KIF21B: variants seen among roughly 807,000 people sequenced by gnomAD.
The protein encoded by KIF21B is kinesin family member 21B.
In KIF21B, 85 loss-of-function variants were observed where a neutral mutation model predicts 192.9. The ratio of observed to expected loss-of-function variants is 0.44; its 90% CI spans 0.37 to 0.53. The LOEUF is 0.53. Ranked by LOEUF, KIF21B falls within the 20% of genes least tolerant of loss-of-function variation. The pLI is 0.00. For synonymous variants in KIF21B, 832 were observed against 884.6 expected (o/e 0.94, Z 1.05); for missense variants, 1,716 against 2,194.8 (o/e 0.78, Z 4.36).
Position 200,979,594 on chromosome 1 carries a change from G to A in KIF21B, c.4101C>T (p.Ser1367=). The A allele has an allele frequency of 6.3e-7, 1 of 1,592,096 alleles. No individual in the cohort carries two copies. Among genetic ancestry groups the A allele is most frequent in the East Asian group, 2.4e-5 (1 of 42,484 alleles). The change falls in exon 30 of 35, where the codon TCC becomes TCT. Residue 1367 remains serine (S), a synonymous_variant. Coordinates refer to ENST00000461742, the MANE Select transcript of KIF21B (RefSeq NM_001252102.2). The part of the protein sequence containing the change: ...CSHSGLVFSV[S]TSYIKVWDIR... ...TGTCCCACACCTTGATGTAGGAGGT[G>A]GACACGGAGAACACAAGCCCCGAGT...
At chr1:200,977,442 T>C in intron 30 of KIF21B, 66 bp from the exon 31 acceptor site, 1 of 1,552,538 alleles carries the variant, frequency 6.4e-7, no homozygotes, top group Non-Finnish European at 8.8e-7. Flanking sequence ...AGGAAACCAA[T>C]AAAACGTCAC....
At chr1:201,002,631 A>C in intron 8 of KIF21B, 5 of 412,466 alleles carry the variant, frequency 1.2e-5, no homozygotes, top group Non-Finnish European at 1.8e-5. Context: ...GTGTATTTTC[A>C]TATCTCCATA....
intron 16 of KIF21B, among the ~76,000 whole-genome samples, chr1:200,991,937 C>T (rs1656727157): frequency 6.6e-6 from 1 of 152,282 alleles, no homozygotes; most frequent in South Asian, 2.1e-4. Flanking sequence ...TTTCCTTAGC[C>T]TCTTCTTCCC....
In KIF21B at chr1:200,991,011, A is replaced by G; in HGVS notation, c.2593T>C (p.Ser865Pro). 6.2e-7 allele frequency: 1 copy of G among 1,614,166 alleles called. No homozygotes were observed. Among genetic ancestry groups the G allele is most frequent in the Non-Finnish European group, 8.5e-7 (1 of 1,180,040 alleles). Reference protein sequence around the residue: ...TSSEAESGARSVSSIVRQWNR... With the variant: ...TSSEAESGARPVSSIVRQWNR... ...CACTGGCGCACGATGCTGGAGACAG[A>G]GCGGGCCCCTGATTCAGCCTCAGAT... The change falls in exon 18 of 35, where the codon TCT becomes CCT. Residue 865 changes from serine (S) to proline (P), a missense_variant. Coordinates refer to ENST00000461742, the MANE Select transcript of KIF21B (RefSeq NM_001252102.2).
chr1:200,977,502 A>G, intron 30 of KIF21B, 126 bp from the exon 31 acceptor site: 1 of 1,176,684 alleles, frequency 8.5e-7, no homozygotes, highest in South Asian at 1.5e-5. Context: ...TCCTTGACTG[A>G]CAGAGAAGAG....
In KIF21B at chr1:200,996,274, C is replaced by G. The variant is rs746913366; in HGVS notation, c.2199G>C (p.Arg733=). The G allele has an allele frequency of 3.7e-6, 6 of 1,614,132 alleles. No homozygotes were observed. Among genetic ancestry groups the G allele is most frequent in the East Asian group, 4.5e-5 (2 of 44,880 alleles). The part of the protein sequence containing the change: ...KLQAAQKEHA[R]LLKNQSRYER... ...CGTAGCGCGACTGGTTCTTAAGCAGCCGGGCGTGCTCTTTCTGGGCGGCCT... is the reference window on the plus strand; with the variant it reads ...CGTAGCGCGACTGGTTCTTAAGCAGGCGGGCGTGCTCTTTCTGGGCGGCCT... The change falls in exon 15 of 35, where the codon CGG becomes CGC. Residue 733 remains arginine (R), a synonymous_variant. Coordinates refer to ENST00000461742, the MANE Select transcript of KIF21B (RefSeq NM_001252102.2).
intron 3 of KIF21B, among the ~76,000 whole-genome samples, chr1:201,007,154 G>A (rs1480989942): frequency 1.7e-3 from 48 of 28,684 alleles, no homozygotes; most frequent in Admixed American, 4.3e-3. Context: ...ACACAGACAC[G>A]GACACAGAGA....
At chr1:201,021,725 T>A (rs1318983956) in intron 1 of KIF21B, among the ~76,000 whole-genome samples, 1 of 152,080 alleles carries the variant, frequency 6.6e-6, no homozygotes. Context: ...TCCAGCAAGA[T>A]GGAATCTAAA....
intron 17 of KIF21B, 125 bp downstream of exon 17, chr1:200,991,532 G>T: frequency 1.0e-6 from 1 of 992,256 alleles, no homozygotes; most frequent in Non-Finnish European, 1.5e-6. Context: ...GGCAGAACTG[G>T]GAAATACCGC....
At chr1:201,003,855 G>T (rs74846840) in intron 7 of KIF21B, 74 bp from the exon 8 acceptor site, 34,863 of 1,472,330 alleles carry the variant, frequency 0.024, 1,593 homozygotes, top group East Asian at 0.22. Context: ...CAGGGTAGAG[G>T]TCCTGCTCCC....
Position 200,999,996 on chromosome 1 carries a change from G to T in KIF21B, c.1686-32C>A, listed in dbSNP as rs114098474. 3 of 1,600,628 alleles carry T rather than the reference G, an allele frequency of 1.9e-6. No individual in the cohort carries two copies. The highest frequency in any genetic ancestry group is 1.7e-5 in the Admixed American group (1 of 60,022). ...AGGGAGGACAGGGAAGCTGGATTAG[G>T]AAGGCTGCCCCTGCCCTGAGCACAT... is the stretch of plus-strand genomic sequence containing the variant. On this transcript the variant is annotated intron_variant, in intron 11 of 34. Transcript: ENST00000461742. This position sits in a 1 kb window ranked among gnomAD's most constrained non-coding sequence, Gnocchi z 4.7.
At chr1:200,989,434 A>G (rs988867200) in intron 21 of KIF21B, among the ~76,000 whole-genome samples, 2 of 152,132 alleles carry the variant, frequency 1.3e-5, no homozygotes, top group Non-Finnish European at 2.9e-5. Context: ...GTCCCCAGAG[A>G]CCACAGGCCC....
chr1:200,983,144 A>G, intron 27 of KIF21B, 50 bp from the exon 28 acceptor site: 2 of 1,486,600 alleles, frequency 1.3e-6, no homozygotes, highest in Non-Finnish European at 1.8e-6. Context: ...GGAGACACAC[A>G]CAGAGGGACG....
At chr1:201,021,972 G>A (rs945618192) in intron 1 of KIF21B, among the ~76,000 whole-genome samples, 2 of 152,164 alleles carry the variant, frequency 1.3e-5, no homozygotes, top group African/African-American at 4.8e-5. Flanking sequence ...GCCCCAGTCA[G>A]CCCACCAGGC....
intron 30 of KIF21B, among the ~76,000 whole-genome samples, chr1:200,977,788 G>A (rs1365991290): frequency 1.3e-5 from 2 of 150,886 alleles, no homozygotes; most frequent in Non-Finnish European, 2.9e-5. Context: ...AGGCTGGAGC[G>A]CAATGGCATG....
intron 1 of KIF21B, among the ~76,000 whole-genome samples, chr1:201,013,495 G>A (rs1385358213): frequency 6.6e-6 from 1 of 152,152 alleles, no homozygotes; most frequent in African/African-American, 2.4e-5. Flanking sequence ...GGGCATGGGA[G>A]GGGGGTCAAG....
intron 14 of KIF21B, among the ~76,000 whole-genome samples, chr1:200,996,894 C>T (rs960241691): frequency 2.0e-5 from 3 of 152,174 alleles, no homozygotes; most frequent in Admixed American, 2.0e-4. Context: ...ATTTCTACCC[C>T]TCTCCCATCT....
In KIF21B at chr1:200,983,084, T is replaced by C. The variant is rs1353784897; in HGVS notation, c.3814A>G (p.Ser1272Gly). The part of the protein sequence containing the change: ...QGSALDKSDD[S>G]DSSLSEVLRG... ...AGGACCTCCGACAAAGAGGAGTCGC[T>C]GTCATCAGACCTGGGGAGGGCAGAA... The change falls in exon 28 of 35, where the codon AGC becomes GGC. Residue 1272 changes from serine to glycine, a missense_variant. Transcript: ENST00000461742. The C allele has an allele frequency of 2.0e-6, 3 of 1,536,078 alleles. No individual in the cohort carries two copies. Among genetic ancestry groups the C allele is most frequent in the Non-Finnish European group, 2.6e-6 (3 of 1,146,876 alleles).
chr1:201,022,067 T>A (rs1049701781), intron 1 of KIF21B, among the ~76,000 whole-genome samples: 1 of 152,188 alleles, frequency 6.6e-6, no homozygotes, highest in African/African-American at 2.4e-5. Context: ...CTAGGGTGCA[T>A]GGGTGGGGGT....
Sources: allele counts gnomAD v4.1 joint callset (sites outside exome capture counted in the v4.1 genomes callset), GRCh38; gene constraint gnomAD v4.1.1; non-coding constraint Gnocchi (gnomAD v3.1); transcripts MANE v1.5; gene names NCBI Gene and HGNC (gene_info 2026-07-23, HGNC 2026-07-21).